The following RBFOX1 variants were observed in gnomAD, a reference collection of about 807,000 sequenced individuals.
RBFOX1 encodes RNA binding fox-1 homolog 1.
A neutral mutation model predicts 57.7 loss-of-function variants in RBFOX1; 8 were observed. The observed-to-expected ratio is 0.14, with a 90% CI of 0.08 to 0.25. RBFOX1 has a LOEUF of 0.25. RBFOX1 is among the 10% of genes least tolerant of loss of function. The probability of loss-of-function intolerance (pLI) is 1.00; values close to 1 mark genes in which losing one functional copy is unlikely to be tolerated. For synonymous variants in RBFOX1, 326 were observed against 222.4 expected, an observed-to-expected ratio of 1.47 and a Z score of -4.15; for missense variants, 611 against 548.5, an observed-to-expected ratio of 1.11 and a Z score of -1.14.
chr16:6,389,972 C>G (rs1046663159), intron 2 of RBFOX1, among the ~76,000 whole-genome samples: 1 of 152,114 alleles, frequency 6.6e-6, no homozygotes, highest in Admixed American at 6.5e-5. Context: ...GAGTGAATGA[C>G]TTGTAAGCCA....
intron 3 of RBFOX1, among the ~76,000 whole-genome samples, chr16:5,831,296 A>G (rs999769317): frequency 1.3e-5 from 2 of 151,790 alleles, no homozygotes; most frequent in African/African-American, 2.4e-5. Flanking sequence ...TGGTTTTTCA[A>G]AAGTGTGTGG....
chr16:6,721,032 G>T (rs1320689415), intron 3 of RBFOX1, among the ~76,000 whole-genome samples: 2 of 152,172 alleles, frequency 1.3e-5, no homozygotes, highest in African/African-American at 4.8e-5. Context: ...TATGCTGGTG[G>T]TCAGGCATAG....
intron 3 of RBFOX1, among the ~76,000 whole-genome samples, chr16:6,919,693 A>T (rs1299553735): frequency 2.0e-5 from 3 of 152,006 alleles, no homozygotes; most frequent in African/African-American, 7.3e-5. Context: ...AGACATTGTC[A>T]TCAGCACTGA....
chr16:6,779,889 TTATATATATTTA>T (rs2080205006), intron 3 of RBFOX1, among the ~76,000 whole-genome samples: 3 of 15,786 alleles, frequency 1.9e-4, no homozygotes, highest in Non-Finnish European at 3.0e-4. Context: ...TTATATATAT[TTATATATATTTA>T]TATATATTTA....
intron 1 of RBFOX1, among the ~76,000 whole-genome samples, chr16:5,345,541 A>T (rs1031175789): frequency 2.6e-5 from 4 of 152,180 alleles, no homozygotes; most frequent in Non-Finnish European, 5.9e-5. Flanking sequence ...TTCTGGCTAC[A>T]TTTGGCTCCT....
At chr16:5,293,337 C>A (rs894193855) in intron 1 of RBFOX1, among the ~76,000 whole-genome samples, 4 of 151,972 alleles carry the variant, frequency 2.6e-5, no homozygotes, top group African/African-American at 9.7e-5. Context: ...ATTGGGGTTG[C>A]TGTTATCACA....
chr16:7,437,875 A>T (rs552472617), intron 4 of RBFOX1, among the ~76,000 whole-genome samples: 1 of 152,018 alleles, frequency 6.6e-6, no homozygotes, highest in African/African-American at 2.4e-5. Flanking sequence ...AGAAAAAAAA[A>T]ATGAATATAG....
intron 14 of RBFOX1, among the ~76,000 whole-genome samples, chr16:7,696,648 A>G (rs1332455125): frequency 6.6e-6 from 1 of 152,164 alleles, no homozygotes; most frequent in Admixed American, 6.5e-5. Context: ...TCATCAAAAG[A>G]CCTTCATGGT....
intron 1 of RBFOX1, among the ~76,000 whole-genome samples, chr16:6,283,116 C>T (rs949860288): frequency 6.6e-6 from 1 of 152,112 alleles, no homozygotes; most frequent in Non-Finnish European, 1.5e-5. Flanking sequence ...CACTTGAGCT[C>T]AGGAGTGGGA....
intron 1 of RBFOX1, among the ~76,000 whole-genome samples, chr16:5,412,286 A>G (rs567441504): frequency 9.1e-4 from 138 of 152,354 alleles, no homozygotes; most frequent in Non-Finnish European, 1.8e-3. Context: ...ACTCAGAGTT[A>G]TGGTTGAGAG....
intron 1 of RBFOX1, among the ~76,000 whole-genome samples, chr16:5,408,876 G>T (rs1169331185): frequency 6.6e-6 from 1 of 152,240 alleles, no homozygotes; most frequent in Non-Finnish European, 1.5e-5. Context: ...CACGAAGACT[G>T]TTCCAAGAGG....
chr16:6,212,300 C>T (rs2097303693), intron 1 of RBFOX1, among the ~76,000 whole-genome samples: 1 of 152,022 alleles, frequency 6.6e-6, no homozygotes, highest in South Asian at 2.1e-4. Context: ...TGTATATAGA[C>T]ACATTTGTAT....
intron 4 of RBFOX1, among the ~76,000 whole-genome samples, chr16:7,242,064 G>A (rs1261134944): frequency 6.6e-6 from 1 of 152,094 alleles, no homozygotes; most frequent in African/African-American, 2.4e-5. Context: ...AGGCACCTCA[G>A]TGATAACAAT....
At chr16:6,138,626 C>T (rs140222788) in intron 1 of RBFOX1, among the ~76,000 whole-genome samples, 327 of 152,244 alleles carry the variant, frequency 2.1e-3, no homozygotes, top group African/African-American at 6.0e-3. Context: ...CCAGCACTTT[C>T]GGAGGCTGAG....
At chr16:7,202,832 C>T (rs113534942) in intron 4 of RBFOX1, among the ~76,000 whole-genome samples, 26 of 152,308 alleles carry the variant, frequency 1.7e-4, no homozygotes, top group African/African-American at 6.3e-4. Flanking sequence ...GTTTATCTTC[C>T]ACAAAACTGG....
intron 4 of RBFOX1, among the ~76,000 whole-genome samples, chr16:5,962,456 C>T (rs1472287850): frequency 6.6e-6 from 1 of 152,166 alleles, no homozygotes; most frequent in Admixed American, 6.5e-5. Context: ...TGCCTGCCTC[C>T]TTTCCCATTA....
At chr16:5,533,026 G>C (rs1046727677) in intron 2 of RBFOX1, among the ~76,000 whole-genome samples, 1 of 152,122 alleles carries the variant, frequency 6.6e-6, no homozygotes, top group African/African-American at 2.4e-5. Flanking sequence ...GCATTGCAAT[G>C]AGTTATATGA....
At chr16:7,633,226 C>G (rs922579003) in intron 11 of RBFOX1, among the ~76,000 whole-genome samples, 2 of 152,164 alleles carry the variant, frequency 1.3e-5, no homozygotes, top group Non-Finnish European at 2.9e-5. Context: ...GTGTACTGAT[C>G]TCCAATTTAA....
intron 3 of RBFOX1, among the ~76,000 whole-genome samples, chr16:5,611,026 T>C (rs2047764756): frequency 6.6e-6 from 1 of 152,326 alleles, no homozygotes; most frequent in Middle Eastern, 3.4e-3. Flanking sequence ...TCTGTGTCTC[T>C]CTACAGCCTA....
Sources: gnomAD v4.1 joint callset for allele counts (sites outside exome capture counted in the v4.1 genomes callset) on GRCh38, gnomAD v4.1.1 for gene constraint, MANE v1.5 for transcripts, NCBI Gene and HGNC (gene_info 2026-07-23, HGNC 2026-07-21) for gene names.